Variants in DGKG observed in about 807,000 individuals in gnomAD.
The protein encoded by DGKG is diacylglycerol kinase gamma, also known as DAG kinase gamma.
A neutral mutation model predicts 105.3 loss-of-function variants in DGKG; 78 were observed. That is an observed-to-expected ratio of 0.74 (90% CI 0.62 to 0.89). The LOEUF (loss-of-function observed/expected upper bound fraction) is 0.89. Among genes scored for constraint, DGKG ranks in the 40% least tolerant of loss-of-function variants. DGKG has a pLI of 0.00. For synonymous variants in DGKG, 346 were observed against 367.1 expected, an observed-to-expected ratio of 0.94 and a Z score of 0.66; for missense variants, 958 against 1,020.1, an observed-to-expected ratio of 0.94 and a Z score of 0.83.
chr3:186,353,300 T>C (rs1726724969), intron 1 of DGKG, among the ~76,000 whole-genome samples: 1 of 152,008 alleles, frequency 6.6e-6, no homozygotes, highest in South Asian at 2.1e-4. Context: ...GGAGGGTGGA[T>C]CATCTGAGGT....
intron 8 of DGKG, among the ~76,000 whole-genome samples, chr3:186,280,363 C>T (rs2108594950): frequency 6.6e-6 from 1 of 152,332 alleles, no homozygotes; most frequent in Middle Eastern, 3.4e-3. Flanking sequence ...AAGATCTCTA[C>T]AATTCTTTCT....
At chr3:186,243,565 G>A (rs547614163) in intron 19 of DGKG, among the ~76,000 whole-genome samples, 2 of 152,230 alleles carry the variant, frequency 1.3e-5, no homozygotes, top group South Asian at 2.1e-4. Flanking sequence ...AACCTGAAAC[G>A]GAACTTGTCT....
intron 14 of DGKG, among the ~76,000 whole-genome samples, chr3:186,262,154 C>T (rs1446252657): frequency 6.6e-6 from 1 of 152,170 alleles, no homozygotes; most frequent in East Asian, 1.9e-4. Flanking sequence ...TGAAATAGCA[C>T]TCGTGGAGTG....
At position 186,267,656 on chromosome 3, in the gene DGKG, A is replaced by G. The variant is rs748725699; in HGVS notation, c.1209+29T>C. 7.0e-6 allele frequency: 11 copies of G among 1,581,154 alleles called. No individual in the cohort carries two copies. In the South Asian group the frequency reaches 8.8e-5, roughly 13 times the overall value. On this transcript the variant is annotated intron_variant, in intron 13 of 24. Coordinates refer to ENST00000265022, the MANE Select transcript of DGKG (RefSeq NM_001346.3). ...TCTGAAACCAGAACCCGGAGAAGCT[A>G]CAGCCCTCGCCGGGGCAGGAGCACT...
intron 24 of DGKG, chr3:186,158,278 T>C (rs1716130444): frequency 1.3e-6 from 1 of 799,844 alleles, no homozygotes; most frequent in Non-Finnish European, 1.5e-6. Context: ...TTCTTTTTTA[T>C]ATGATGGAAG....
Position 186,149,990 on chromosome 3 carries a change from G to A in DGKG, c.*100C>T. On this transcript the variant is annotated 3_prime_UTR_variant, in exon 25 of 25. Coordinates refer to ENST00000265022, the MANE Select transcript of DGKG (RefSeq NM_001346.3). ...TGGTTAGAGAAGAGTGTGTATGTGT[G>A]TGTGTGTGTGCATGTGTGAGTGTGC... The A allele has an allele frequency of 1.3e-6, 2 of 1,492,334 alleles. No individual in the cohort carries two copies. Among genetic ancestry groups the A allele is most frequent in the Middle Eastern group, 1.8e-4 (1 of 5,658 alleles). The allele number at this position is 1,492,334 out of a possible 1,614,324, so 92.4% of individuals were successfully genotyped here.
intron 1 of DGKG, among the ~76,000 whole-genome samples, chr3:186,331,947 A>G (rs987060347): frequency 3.9e-5 from 6 of 152,216 alleles, no homozygotes; most frequent in Non-Finnish European, 7.3e-5. Context: ...AAGCAGGCCC[A>G]GAGTAATTCT....
chr3:186,186,529 G>A (rs1156375551), intron 22 of DGKG, among the ~76,000 whole-genome samples: 2 of 152,186 alleles, frequency 1.3e-5, no homozygotes, highest in Admixed American at 1.3e-4. Context: ...TTTTCAACAA[G>A]CAGCTGGTTT....
intron 17 of DGKG, among the ~76,000 whole-genome samples, chr3:186,253,755 C>T (rs540699859): frequency 1.1e-4 from 16 of 152,288 alleles, no homozygotes; most frequent in Non-Finnish European, 1.9e-4. Flanking sequence ...GGCTCCAAGT[C>T]CATTCCCCTC....
At chr3:186,162,121 C>A (rs577372862) in intron 23 of DGKG, among the ~76,000 whole-genome samples, 24 of 152,334 alleles carry the variant, frequency 1.6e-4, no homozygotes, top group Admixed American at 4.6e-4. Context: ...GTCTCAAACT[C>A]CCGACCTCAG....
chr3:186,259,613 G>C (rs1265988568), intron 16 of DGKG, among the ~76,000 whole-genome samples: 1 of 152,154 alleles, frequency 6.6e-6, no homozygotes, highest in Admixed American at 6.5e-5. Flanking sequence ...GCTGAACCCG[G>C]AGCAGAAATC....
In DGKG at chr3:186,303,923, AC is replaced by A. The variant is rs1724097209; in HGVS notation, c.144+2977del. Among the ~76,000 whole-genome samples, 3 of 152,210 alleles carry A rather than the reference AC, an allele frequency of 2.0e-5. No homozygotes were observed. The South Asian group carries it at 6.2e-4, about 32-fold the overall frequency. On this transcript the variant is annotated intron_variant, in intron 3 of 24. Coordinates refer to ENST00000265022, the MANE Select transcript of DGKG (RefSeq NM_001346.3). ...AGCCATCAAACTCAAGAGAAATTAAACCCTTCTTATTTCCCTAACCCTGTGC... is the reference window on the plus strand; with the variant it reads ...AGCCATCAAACTCAAGAGAAATTAAACCTTCTTATTTCCCTAACCCTGTGC...
chr3:186,233,358 G>C (rs1431520476), intron 20 of DGKG, among the ~76,000 whole-genome samples: 1 of 152,220 alleles, frequency 6.6e-6, no homozygotes, highest in Non-Finnish European at 1.5e-5. Context: ...CAAGGAAACA[G>C]CTTTTCCCCC....
chr3:186,156,615 AT>A (rs1716047915), intron 24 of DGKG, among the ~76,000 whole-genome samples: 1 of 151,616 alleles, frequency 6.6e-6, no homozygotes, highest in South Asian at 2.1e-4. Context: ...TTGCATTGGG[AT>A]TTTGGGATCC....
In DGKG at chr3:186,307,336, C is replaced by T. The variant is rs143861623; in HGVS notation, c.68-359G>A. ...TTTTATTTATCCTATTCCTCATTTC[C>T]CTATTTACTCTACGTTTCAGCCATA... On this transcript the variant is annotated intron_variant, in intron 2 of 24. Coordinates refer to ENST00000265022, the MANE Select transcript of DGKG (RefSeq NM_001346.3). 1.9e-4 allele frequency among the ~76,000 whole-genome samples: 29 copies of T among 152,278 alleles called. No individual in the cohort carries two copies. The East Asian group carries it at 5.6e-3, about 29-fold the overall frequency.
chr3:186,205,106 A>C (rs1718660221), intron 21 of DGKG, among the ~76,000 whole-genome samples: 1 of 151,876 alleles, frequency 6.6e-6, no homozygotes, highest in Non-Finnish European at 1.5e-5. Context: ...AAAATATAAA[A>C]ATTAACTGGA....
intron 17 of DGKG, among the ~76,000 whole-genome samples, chr3:186,255,519 A>G (rs1721424326): frequency 6.6e-6 from 1 of 152,222 alleles, no homozygotes; most frequent in South Asian, 2.1e-4. Flanking sequence ...CACTGCAGAC[A>G]GGGTGGCCAA....
intron 20 of DGKG, among the ~76,000 whole-genome samples, chr3:186,235,047 AC>A (rs1720349795): frequency 6.6e-6 from 1 of 152,208 alleles, no homozygotes; most frequent in Admixed American, 6.5e-5. Flanking sequence ...GATGAAAAAA[AC>A]ATGAACCCAT....
chr3:186,251,324 T>C (rs929976060), intron 19 of DGKG, among the ~76,000 whole-genome samples: 1 of 152,106 alleles, frequency 6.6e-6, no homozygotes, highest in East Asian at 1.9e-4. Context: ...GAAGGAAATC[T>C]GAGGGCTAAG....
Sources: allele counts gnomAD v4.1 joint callset (sites outside exome capture counted in the v4.1 genomes callset), GRCh38; gene constraint gnomAD v4.1.1; transcripts MANE v1.5; gene names NCBI Gene and HGNC (gene_info 2026-07-23, HGNC 2026-07-21).